Variants in SNAPC4 observed in about 807,000 individuals in gnomAD.
SNAPC4 encodes snRNA-activating protein complex subunit 4.
A neutral mutation model predicts 151.3 loss-of-function variants in SNAPC4; 127 were observed. The observed-to-expected ratio is 0.84, with a 90% confidence interval of 0.73 to 0.97. The LOEUF is 0.97. Among genes scored for constraint, SNAPC4 ranks in the 50% least tolerant of loss-of-function variants. The probability of loss-of-function intolerance (pLI) is 0.00; values close to 1 mark genes in which losing one functional copy is unlikely to be tolerated. For missense variants in SNAPC4, 2,186 were observed against 1,935.0 expected (o/e 1.13, Z -2.43); for synonymous variants, 1,002 against 824.4 (o/e 1.22, Z -3.69).
chr9:136,392,827 C>T (rs113704900), intron 7 of SNAPC4, 50 bp from the exon 8 acceptor site: 29,523 of 1,484,324 alleles, frequency 0.02, 789 homozygotes, highest in Admixed American at 0.13. Flanking sequence ...GGCTGCGGGG[C>T]GGGGCAGGTT....
intron 1 of SNAPC4, 78 bp from the exon 2 acceptor site, chr9:136,398,515 C>T: frequency 1.3e-6 from 2 of 1,529,454 alleles, no homozygotes; most frequent in Non-Finnish European, 1.8e-6. Flanking sequence ...CACACCCGCC[C>T]ATGGGGGATG....
chr9:136,387,521 T>G lies in SNAPC4; in HGVS notation c.1289A>C (p.Glu430Ala). 2 of 1,613,934 alleles carry G rather than the reference T, an allele frequency of 1.2e-6. No homozygotes were observed. The highest frequency in any genetic ancestry group is 1.7e-6 in the Non-Finnish European group (2 of 1,179,922). Reference protein sequence around the residue: ...GEQDWFKIREEVPGRSDAQCR... With the variant: ...GEQDWFKIREAVPGRSDAQCR... ...CTGGGCATCGCTCCTACCTGGCACC[T>G]CTTCCCGGATTTTAAACCAATCCTG... The change falls in exon 13 of 24, where the codon GAG becomes GCG. Residue 430 changes from glutamate (E) to alanine (A), a missense_variant. Physicochemically the swap from Glu to Ala is moderately radical, Grantham distance 107. Transcript: ENST00000684778.
intron 5 of SNAPC4, 99 bp from the exon 6 acceptor site, chr9:136,394,977 CT>C: frequency 4.6e-6 from 5 of 1,083,634 alleles, no homozygotes; most frequent in Non-Finnish European, 6.7e-6. Flanking sequence ...CGGGCTCCCC[CT>C]GCCTCCTGTT....
chr9:136,378,438 A>AACGCTGGG lies in SNAPC4; in HGVS notation c.3381_3388dup (p.Leu1130SerfsTer4). On this transcript the variant is annotated frameshift_variant, in exon 22 of 24. Coordinates refer to ENST00000684778, the MANE Select transcript of SNAPC4 (RefSeq NM_003086.4). LOFTEE classifies it high-confidence loss of function. ...GGCTGGGGGCTGCCAAGAGCTGCTC[A>AACGCTGGG]ACGCTGGGGCCCTGGGGCCCTGGGC... 1 of 1,594,412 alleles carries AACGCTGGG rather than the reference A, an allele frequency of 6.3e-7. No homozygotes were observed. Among genetic ancestry groups the AACGCTGGG allele is most frequent in the Non-Finnish European group, 8.5e-7 (1 of 1,173,572 alleles).
In SNAPC4 at chr9:136,383,282, C is replaced by G. The variant is rs1343754018; in HGVS notation, c.1887G>C (p.Gln629His). 6.2e-7 allele frequency: 1 copy of G among 1,612,210 alleles called. No individual in the cohort carries two copies. The highest frequency in any genetic ancestry group is 8.5e-7 in the Non-Finnish European group (1 of 1,179,702). The change falls in exon 16 of 24, where the codon CAG (glutamine) becomes CAC (histidine). Residue 629 changes from glutamine (Q) to histidine (H), a missense_variant. By Grantham distance (24) the Gln-to-His change is conservative. Transcript: ENST00000684778. This position sits in a 1 kb window ranked among gnomAD's most constrained non-coding sequence, Gnocchi z 4.2. Reference sequence around the variant, plus strand: ...CAGGGCCGTGGGCCCTGGCAGGGACCTGCACCGGACTCGTCTCCTCTCCAG... The same window carrying G: ...CAGGGCCGTGGGCCCTGGCAGGGACGTGCACCGGACTCGTCTCCTCTCCAG... ...AAPGEETSPV[Q>H]VPARAHGPVP...
chr9:136,390,231 C>A (rs1333171693), intron 10 of SNAPC4, among the ~76,000 whole-genome samples: 4 of 152,096 alleles, frequency 2.6e-5, no homozygotes, highest in African/African-American at 9.7e-5. Context: ...CATGAAAACA[C>A]TTGGAAATGA....
chr9:136,385,436 G>A (rs1399934845), intron 13 of SNAPC4, among the ~76,000 whole-genome samples: 1 of 152,214 alleles, frequency 6.6e-6, no homozygotes. Context: ...GGATATAGCT[G>A]AGAGAAATAA....
intron 18 of SNAPC4, among the ~76,000 whole-genome samples, 161 bp from the exon 19 acceptor site, chr9:136,381,553 C>G (rs764430321): frequency 1.3e-5 from 2 of 152,186 alleles, no homozygotes; most frequent in Non-Finnish European, 2.9e-5. Flanking sequence ...ACAGCCACGC[C>G]TGGACAAGGG....
rs1470891555 is a variant in SNAPC4 at position 136,378,007 on chromosome 9, GCAGGCCCAGGTCCAGGGCCCCCTTCT to G, written c.3794_3819del (p.Glu1265AlafsTer65). On this transcript the variant is annotated frameshift_variant, in exon 22 of 24. Coordinates refer to ENST00000684778, the MANE Select transcript of SNAPC4 (RefSeq NM_003086.4). LOFTEE classifies it high-confidence loss of function. ...GTGGCCGCCTCGCCCTCCTGGGACA[GCAGGCCCAGGTCCAGGGCCCCCTTCT>G]CAGGCCCAGGCTGGGGTAGGGGCGG... is the stretch of plus-strand genomic sequence containing the variant. 29 of 1,598,066 alleles carry G rather than the reference GCAGGCCCAGGTCCAGGGCCCCCTTCT, an allele frequency of 1.8e-5. No homozygotes were observed. In the Admixed American group the frequency reaches 4.1e-4, roughly 23 times the overall value.
chr9:136,383,361 C>G lies in SNAPC4; in HGVS notation c.1808G>C (p.Gly603Ala). The G allele has an allele frequency of 1.2e-6, 2 of 1,606,266 alleles. No homozygotes were observed. Among genetic ancestry groups the G allele is most frequent in the Non-Finnish European group, 1.7e-6 (2 of 1,176,904 alleles). The change falls in exon 16 of 24, where the codon GGG becomes GCG. Residue 603 changes from glycine to alanine, a missense_variant. Coordinates refer to ENST00000684778, the MANE Select transcript of SNAPC4 (RefSeq NM_003086.4). This position sits in a 1 kb window ranked among gnomAD's most constrained non-coding sequence, Gnocchi z 4.2. ...GPAASLSPPK[G>A]SSASQGGSKE... ...GCTGCCGCCCTGGCTGGCACTGGAC[C>G]CCTTGGGAGGGCTGAGGGAGGCAGC...
At chr9:136,391,759 T>C (rs1834082001) in intron 10 of SNAPC4, among the ~76,000 whole-genome samples, 183 bp downstream of exon 10, 1 of 152,212 alleles carries the variant, frequency 6.6e-6, no homozygotes, top group South Asian at 2.1e-4. Context: ...GCTGCGGCAA[T>C]GGCCTAGTGG....
At position 136,382,091 on chromosome 9, in the gene SNAPC4, C is replaced by A; in HGVS notation, c.2068-18G>T. On this transcript the variant is annotated intron_variant, in intron 17 of 23. Coordinates refer to ENST00000684778, the MANE Select transcript of SNAPC4 (RefSeq NM_003086.4). The stretch of plus-strand genomic sequence containing the variant: ...TGCTCTTTCTGTAAGGAGAAGGCAG[C>A]ACCTGGGGCCCATGGCCAGGCTCGG... 6.4e-7 allele frequency: 1 copy of A among 1,567,124 alleles called. No homozygotes were observed.
Position 136,378,212 on chromosome 9 carries a change from C to A in SNAPC4, c.3615G>T (p.Arg1205Ser), listed in dbSNP as rs1427721018. 6.2e-7 allele frequency: 1 copy of A among 1,611,816 alleles called. No individual in the cohort carries two copies. The highest frequency in any genetic ancestry group is 1.3e-5 in the African/African-American group (1 of 74,932). ...GGATGACACCACCGAAGGCTGGCAG[C>A]CTCCCGGACCAAGGGGGTTCTGCTT... The part of the protein sequence containing the change: ...PPEAEPPWSG[R>S]LPAFGGVIPA... The change falls in exon 22 of 24, where the codon AGG (arginine) becomes AGT (serine). Residue 1205 changes from arginine (R) to serine (S), a missense_variant. Physicochemically the swap from Arg to Ser is moderately radical, Grantham distance 110. Coordinates refer to ENST00000684778, the MANE Select transcript of SNAPC4 (RefSeq NM_003086.4).
At chr9:136,392,210 C>T (rs996152205) in intron 9 of SNAPC4, 104 bp from the exon 10 acceptor site, 34 of 1,408,006 alleles carry the variant, frequency 2.4e-5, no homozygotes, top group African/African-American at 8.4e-5. Flanking sequence ...GAGGCTTCCA[C>T]GGCTGCAAGT....
Position 136,376,458 on chromosome 9 carries a change from G to A in SNAPC4, c.4308C>T (p.Cys1436=). 6 of 1,613,374 alleles carry A rather than the reference G, an allele frequency of 3.7e-6. No individual in the cohort carries two copies. In the Middle Eastern group the frequency reaches 5.0e-4, roughly 133 times the overall value. The change falls in exon 23 of 24, where the codon TGC becomes TGT. Residue 1436 remains cysteine (C), a synonymous_variant. Coordinates refer to ENST00000684778, the MANE Select transcript of SNAPC4 (RefSeq NM_003086.4). ...PIQGAPDSGK[C]SASSCLDTSN... ...AAGTATCCAGGCAGGAGGAAGCAGA[G>A]CATTTACCAGAGTCTGGGGCTCCCT...
rs1833799277 is a variant in SNAPC4, at chr9:136,383,871, C to T, written c.1500+82G>A. ...GACCAGAAACCGAACGCCCCCCTCC[C>T]CTCCCCTCCTCCTGCCTGCTGGACC... On this transcript the variant is annotated intron_variant, in intron 15 of 23. Transcript: ENST00000684778. The surrounding 1 kb of genome is among the most constrained non-coding windows in gnomAD (Gnocchi z 4.2). The T allele has an allele frequency of 7.3e-7, 1 of 1,365,160 alleles. No homozygotes were observed. Among genetic ancestry groups the T allele is most frequent in the Non-Finnish European group, 1.0e-6 (1 of 961,950 alleles). The allele number at this position is 1,365,160 out of a possible 1,614,324, so 84.6% of individuals were successfully genotyped here. A position where few individuals can be genotyped will look rare whatever the true frequency, so the allele number is the denominator to read the frequency against.
At position 136,392,543 on chromosome 9, in the gene SNAPC4, C is replaced by T. The variant is rs1439024094; in HGVS notation, c.789G>A (p.Trp263Ter). The change falls in exon 9 of 24, where the codon TGG becomes TGA. Residue 263 changes from tryptophan to a stop codon, truncating the protein, a stop_gained. Transcript: ENST00000684778. LOFTEE classifies it high-confidence loss of function. Reference sequence around the variant, plus strand: ...TTACGTTAATATTGGAAATCTTCTCCCAGTCGTGGCTGTCCAGCCTGTTTC... The same window carrying T: ...TTACGTTAATATTGGAAATCTTCTCTCAGTCGTGGCTGTCCAGCCTGTTTC... ...LLGNRLDSHDWEKISNINFEG... is the reference protein window; with the variant it reads ...LLGNRLDSHD The T allele has an allele frequency of 6.8e-6, 11 of 1,613,878 alleles. No homozygotes were observed. Among genetic ancestry groups the T allele is most frequent in the Non-Finnish European group, 9.3e-6 (11 of 1,180,026 alleles).
At position 136,387,478 on chromosome 9, in the gene SNAPC4, G is replaced by T; in HGVS notation, c.1325+7C>A. 9 of 1,597,578 alleles carry T rather than the reference G, an allele frequency of 5.6e-6. No homozygotes were observed. Among genetic ancestry groups the T allele is most frequent in the South Asian group, 1.1e-5 (1 of 90,760 alleles). ...GCCCCTCCCTCGCTCAGCGCTGTGCGACTCACCGATCTCGGCACTGGGCAT... is the reference window on the plus strand; with the variant it reads ...GCCCCTCCCTCGCTCAGCGCTGTGCTACTCACCGATCTCGGCACTGGGCAT... On this transcript the variant is annotated splice_region_variant and intron_variant, in intron 13 of 23. Coordinates refer to ENST00000684778, the MANE Select transcript of SNAPC4 (RefSeq NM_003086.4).
In SNAPC4 at chr9:136,377,939, A is replaced by G; in HGVS notation, c.3888T>C (p.Leu1296=). 2.5e-6 allele frequency: 4 copies of G among 1,607,102 alleles called. No individual in the cohort carries two copies. The highest frequency in any genetic ancestry group is 3.4e-6 in the Non-Finnish European group (4 of 1,177,232). The change falls in exon 22 of 24, where the codon CTT becomes CTC. Residue 1296 remains leucine (L), a synonymous_variant. Transcript: ENST00000684778. ...LGGQRGVRVP[L]LGSRLPYQPP... ...GCTGATAGGGCAGTCTGCTGCCCAG[A>G]AGAGGCACACGCACCCCCCGCTGGC...
Sources: gnomAD v4.1 joint callset for allele counts (sites outside exome capture counted in the v4.1 genomes callset) on GRCh38, gnomAD v4.1.1 for gene constraint, Gnocchi (gnomAD v3.1) non-coding constraint, MANE v1.5 for transcripts, NCBI Gene and HGNC (gene_info 2026-07-23, HGNC 2026-07-21) for gene names.